Variants in SH3PXD2B observed in about 807,000 individuals in gnomAD.
The protein encoded by SH3PXD2B is SH3 and PX domains 2B, also known as SH3 and PX domain-containing protein 2B.
In SH3PXD2B, 37 loss-of-function variants were observed where a neutral mutation model predicts 73.1. The observed-to-expected ratio is 0.51, with a 90% CI of 0.39 to 0.67. SH3PXD2B has a LOEUF of 0.67. Ranked by LOEUF, SH3PXD2B falls within the 30% of genes least tolerant of loss-of-function variation. The pLI is 0.00. For synonymous variants in SH3PXD2B, 457 were observed against 480.5 expected, an observed-to-expected ratio of 0.95 and a Z score of 0.64; for missense variants, 1,053 against 1,197.8, an observed-to-expected ratio of 0.88 and a Z score of 1.78.
At chr5:172,435,509 A>C (rs1378451568) in intron 1 of SH3PXD2B, among the ~76,000 whole-genome samples, 1 of 152,076 alleles carries the variant, frequency 6.6e-6, no homozygotes, top group Non-Finnish European at 1.5e-5. Context: ...AGCAGCCTCG[A>C]ATTCCCAGGC....
rs545787988 is a variant in SH3PXD2B at position 172,421,430 on chromosome 5, C to T, written c.156+986G>A. Among the ~76,000 whole-genome samples, 1 of 152,286 alleles carries T rather than the reference C, an allele frequency of 6.6e-6. No homozygotes were observed. Among genetic ancestry groups the T allele is most frequent in the Admixed American group, 6.5e-5 (1 of 15,294 alleles). Reference sequence around the variant, plus strand: ...ATTCATTCACCAAACACTGACTGGACATATACTGTGTGTTAGGCCTTGAAT... The same window carrying T: ...ATTCATTCACCAAACACTGACTGGATATATACTGTGTGTTAGGCCTTGAAT... On this transcript the variant is annotated intron_variant, in intron 2 of 12. Transcript: ENST00000311601. This position sits in a 1 kb window ranked among gnomAD's most constrained non-coding sequence, Gnocchi z 4.0.
chr5:172,337,938 T>C lies in SH3PXD2B; in HGVS notation c.*431A>G, dbSNP rs1474543632. 34 of 1,042,184 alleles carry C rather than the reference T, an allele frequency of 3.3e-5. No individual in the cohort carries two copies. Among genetic ancestry groups the C allele is most frequent in the Non-Finnish European group, 3.6e-5 (31 of 864,916 alleles). 64.6% of individuals were successfully genotyped at this position (1,042,184 alleles called of 1,614,324 possible). ...TGGGCTTTTAGAAACATGAAGAAGT[T>C]GGAGCAAAAGTCATCATGGACTGGG... On this transcript the variant is annotated 3_prime_UTR_variant, in exon 13 of 13. Coordinates refer to ENST00000311601, the MANE Select transcript of SH3PXD2B (RefSeq NM_001017995.3).
chr5:172,426,674 A>C (rs1759102733), intron 1 of SH3PXD2B, among the ~76,000 whole-genome samples: 1 of 152,186 alleles, frequency 6.6e-6, no homozygotes. Context: ...AGGGATGGGC[A>C]CAAGACGGAT....
chr5:172,448,020 T>G (rs777283832), intron 1 of SH3PXD2B, among the ~76,000 whole-genome samples: 22 of 152,324 alleles, frequency 1.4e-4, no homozygotes, highest in South Asian at 4.1e-4. Flanking sequence ...CACCTACTTT[T>G]TCCCAATCCA....
At position 172,346,139 on chromosome 5, in the gene SH3PXD2B, G is replaced by C. The variant is rs186880516; in HGVS notation, c.1185C>G (p.Val395=). 1 of 1,613,866 alleles carries C rather than the reference G, an allele frequency of 6.2e-7. No individual in the cohort carries two copies. Among genetic ancestry groups the C allele is most frequent in the Non-Finnish European group, 8.5e-7 (1 of 1,179,954 alleles). ...AAGGAACACCAGGGCCACTCACCTC[G>C]ACCTTCAGGCCTGCCTGGAAGCTGA... The part of the protein sequence containing the change: ...DGISFQAGLK[V]EVIEKNLSGW... The change falls in exon 12 of 13, where the codon GTC becomes GTG. Residue 395 remains valine (V), a synonymous_variant. Transcript: ENST00000311601.
chr5:172,399,095 T>C (rs910370409), intron 3 of SH3PXD2B, among the ~76,000 whole-genome samples: 1 of 152,224 alleles, frequency 6.6e-6, no homozygotes, highest in African/African-American at 2.4e-5. Flanking sequence ...TGAAGTTCCT[T>C]TAAAACAGCT....
At position 172,450,298 on chromosome 5, in the gene SH3PXD2B, T is replaced by C. The variant is rs1256717548; in HGVS notation, c.75+3980A>G. On this transcript the variant is annotated intron_variant, in intron 1 of 12. Transcript: ENST00000311601. ...GGAATGATCAACATCAAATGCAGGA[T>C]AGTGGTTTTATGGGGGAGGGGCAGC... Among the ~76,000 whole-genome samples, 8 of 152,002 alleles carry C rather than the reference T, an allele frequency of 5.3e-5. No homozygotes were observed. In the South Asian group the frequency reaches 1.7e-3, roughly 32 times the overall value.
At chr5:172,431,238 G>A (rs542554474) in intron 1 of SH3PXD2B, among the ~76,000 whole-genome samples, 2 of 152,324 alleles carry the variant, frequency 1.3e-5, no homozygotes, top group Admixed American at 6.5e-5. Flanking sequence ...CGTGATCCAA[G>A]CCCGGCCAAT....
chr5:172,414,625 C>G (rs1034778792), intron 2 of SH3PXD2B, among the ~76,000 whole-genome samples: 1 of 151,970 alleles, frequency 6.6e-6, no homozygotes, highest in Non-Finnish European at 1.5e-5. Context: ...AAGAACTGCT[C>G]GAGCCGTAAG....
At position 172,416,004 on chromosome 5, in the gene SH3PXD2B, G is replaced by A. The variant is rs185280921; in HGVS notation, c.156+6412C>T. Among the ~76,000 whole-genome samples, 812 of 152,308 alleles carry A rather than the reference G, an allele frequency of 5.3e-3. 6 individuals carry two copies. Among genetic ancestry groups the A allele is most frequent in the African/African-American group, 0.018 (755 of 41,568 alleles). Reference sequence around the variant, plus strand: ...GGCCCTTCTAAGGTAAGCAAGTCAGGAAACCAAGTTGGAAGGTGAATCTTC... The same window carrying A: ...GGCCCTTCTAAGGTAAGCAAGTCAGAAAACCAAGTTGGAAGGTGAATCTTC... On this transcript the variant is annotated intron_variant, in intron 2 of 12. Transcript: ENST00000311601.
intron 2 of SH3PXD2B, among the ~76,000 whole-genome samples, chr5:172,418,575 C>T (rs1200139676): frequency 6.6e-6 from 1 of 152,246 alleles, no homozygotes; most frequent in Non-Finnish European, 1.5e-5. Flanking sequence ...TCATCTAACT[C>T]CAGGGTGTTG....
intron 1 of SH3PXD2B, among the ~76,000 whole-genome samples, chr5:172,426,306 G>A (rs1759095941): frequency 1.3e-5 from 2 of 152,186 alleles, no homozygotes; most frequent in Admixed American, 1.3e-4. Context: ...GCTGGTGAGA[G>A]AGCACACACC....
chr5:172,453,617 C>A (rs780632439), intron 1 of SH3PXD2B, among the ~76,000 whole-genome samples: 26 of 152,214 alleles, frequency 1.7e-4, no homozygotes, highest in Non-Finnish European at 3.2e-4. Context: ...CAAGTCCTTG[C>A]CAGCTCCAAA....
chr5:172,443,669 T>TGGAAGCCAACAGTGGCC (rs1423547503), intron 1 of SH3PXD2B, among the ~76,000 whole-genome samples: 2 of 152,206 alleles, frequency 1.3e-5, no homozygotes, highest in Non-Finnish European at 2.9e-5. Flanking sequence ...TGGAACTGAC[T>TGGAAGCCAACAGTGGCC]GGAAGCCAAC....
intron 1 of SH3PXD2B, among the ~76,000 whole-genome samples, chr5:172,437,730 G>A (rs1023069243): frequency 6.6e-6 from 1 of 152,328 alleles, no homozygotes; most frequent in South Asian, 2.1e-4. Context: ...CAAAATACAA[G>A]TGCTTGTGGT....
In SH3PXD2B at chr5:172,336,736, G is replaced by T. The variant is rs562026667; in HGVS notation, c.*1633C>A. 39 of 985,550 alleles carry T rather than the reference G, an allele frequency of 4.0e-5. No individual in the cohort carries two copies. The highest frequency in any genetic ancestry group is 1.1e-4 in the East Asian group (1 of 8,822). 61.1% of individuals were successfully genotyped at this position (985,550 alleles called of 1,614,324 possible). A position where few individuals can be genotyped will look rare whatever the true frequency, so the allele number is the denominator to read the frequency against. Reference sequence around the variant, plus strand: ...AGGGCAGGGCAGGGCTGCCTCGGTCGGGTAGAATGGGAAGGGGTTCTGCTC... The same window carrying T: ...AGGGCAGGGCAGGGCTGCCTCGGTCTGGTAGAATGGGAAGGGGTTCTGCTC... On this transcript the variant is annotated 3_prime_UTR_variant, in exon 13 of 13. Coordinates refer to ENST00000311601, the MANE Select transcript of SH3PXD2B (RefSeq NM_001017995.3).
chr5:172,326,203 A>T lies in SH3PXD2B; in HGVS notation c.1189-823T>A, dbSNP rs1458345125. On this transcript the variant is annotated intron_variant, in intron 12 of 12. Coordinates refer to the SH3PXD2B transcript ENST00000519643. ...TACTCCGCTGAGGATAGTAACTAAC[A>T]TGCACCACCCAACCCAGATTCCTCA... Among the ~76,000 whole-genome samples the T allele has an allele frequency of 3.9e-5, 6 of 152,238 alleles. No individual in the cohort carries two copies. The East Asian group carries it at 1.2e-3, about 29-fold the overall frequency.
intron 9 of SH3PXD2B, among the ~76,000 whole-genome samples, chr5:172,351,622 G>C (rs542380899): frequency 1.1e-4 from 17 of 152,280 alleles, no homozygotes; most frequent in African/African-American, 4.1e-4. Context: ...CTGTAACTCA[G>C]AGTATTTTTC....
chr5:172,341,961 A>G (rs1387309366), intron 12 of SH3PXD2B, among the ~76,000 whole-genome samples: 8 of 152,050 alleles, frequency 5.3e-5, no homozygotes, highest in African/African-American at 1.9e-4. Context: ...CCAGCCAGGT[A>G]TTTCTTTATA....
Sources: allele counts gnomAD v4.1 joint callset (sites outside exome capture counted in the v4.1 genomes callset), GRCh38; gene constraint gnomAD v4.1.1; non-coding constraint Gnocchi (gnomAD v3.1); transcripts MANE v1.5; gene names NCBI Gene and HGNC (gene_info 2026-07-23, HGNC 2026-07-21).